TUSC3: variants seen among roughly 807,000 people sequenced by gnomAD.
TUSC3 encodes dolichyl-diphosphooligosaccharide--protein glycosyltransferase subunit TUSC3.
TUSC3 carries 45 observed loss-of-function variants against 44.8 expected under a neutral mutation model. That is an observed-to-expected ratio of 1.00 (90% CI 0.79 to 1.29). The LOEUF (loss-of-function observed/expected upper bound fraction) is 1.29. Ranked by LOEUF, TUSC3 falls within the 50% of genes most tolerant of loss-of-function variation. The pLI is 0.00. For synonymous variants in TUSC3, 212 were observed against 152.9 expected, an observed-to-expected ratio of 1.39 and a Z score of -2.85; for missense variants, 519 against 437.9, an observed-to-expected ratio of 1.19 and a Z score of -1.65.
chr8:15,712,952 A>G (rs1025443435), intron 6 of TUSC3, among the ~76,000 whole-genome samples: 2 of 152,028 alleles, frequency 1.3e-5, no homozygotes, highest in African/African-American at 4.8e-5. Flanking sequence ...TACACTCTCT[A>G]AGGTCACCAG....
intron 1 of TUSC3, among the ~76,000 whole-genome samples, chr8:15,621,353 G>A (rs952769819): frequency 1.3e-5 from 2 of 150,940 alleles, no homozygotes; most frequent in Admixed American, 6.6e-5. Flanking sequence ...ACCTCACTTC[G>A]CTTCTCAAAA....
At chr8:15,608,171 C>T (rs1256527287) in intron 1 of TUSC3, among the ~76,000 whole-genome samples, 1 of 152,104 alleles carries the variant, frequency 6.6e-6, no homozygotes, top group South Asian at 2.1e-4. Flanking sequence ...TGATTCACCT[C>T]TTGGCTGAAT....
At chr8:15,841,784 G>A in the TUSC3 span, among the ~76,000 whole-genome samples, 17 of 152,140 alleles carry the variant, frequency 1.1e-4, no homozygotes, top group African/African-American at 3.1e-4. Flanking sequence ...AAAGTGCTGC[G>A]ATTACAGCTG....
chr8:15,659,732 T>A, intron 4 of TUSC3, 85 bp downstream of exon 4: 1 of 1,552,848 alleles, frequency 6.4e-7, no homozygotes, highest in Admixed American at 1.7e-5. Context: ...AGTAATACTT[T>A]TTAATTTCTC....
the TUSC3 span, among the ~76,000 whole-genome samples, chr8:15,782,083 C>T: frequency 6.6e-6 from 1 of 152,090 alleles, no homozygotes; most frequent in African/African-American, 2.4e-5. Flanking sequence ...GACAGTGAGC[C>T]GAGATCGTGC....
the TUSC3 span, among the ~76,000 whole-genome samples, chr8:15,838,824 T>A: frequency 9.2e-5 from 14 of 152,268 alleles, no homozygotes; most frequent in Middle Eastern, 3.4e-3. Flanking sequence ...GGCTTAGGAT[T>A]GTCTTGGCAA....
chr8:15,457,505 T>C (rs1454649756), intron 1 of TUSC3, among the ~76,000 whole-genome samples: 4 of 151,310 alleles, frequency 2.6e-5, no homozygotes, highest in African/African-American at 7.3e-5. Context: ...TTGGAAATAG[T>C]ATGGATTCAC....
rs1318590897 is a variant in TUSC3, at chr8:15,635,585, T to C, written c.308+12336T>C. On this transcript the variant is annotated intron_variant, in intron 2 of 10. Transcript: ENST00000503731. The stretch of plus-strand genomic sequence containing the variant: ...GCTACAGTTAACTAGCACAATGTAC[T>C]CTAACACACTGTACTCTCACAGTGA... Among the ~76,000 whole-genome samples, 7 of 152,276 alleles carry C rather than the reference T, an allele frequency of 4.6e-5. No individual in the cohort carries two copies. The East Asian group carries it at 9.7e-4, about 21-fold the overall frequency.
intron 2 of TUSC3, among the ~76,000 whole-genome samples, chr8:15,502,049 C>A (rs1269823062): frequency 6.6e-6 from 1 of 152,124 alleles, no homozygotes; most frequent in African/African-American, 2.4e-5. Context: ...TTCCTTTATA[C>A]AACCATCACT....
chr8:15,715,739 C>G (rs937514392), intron 6 of TUSC3, among the ~76,000 whole-genome samples: 1 of 151,204 alleles, frequency 6.6e-6, no homozygotes, highest in African/African-American at 2.4e-5. Flanking sequence ...GCGGTGGTCT[C>G]TATTTTAGAA....
intron 1 of TUSC3, among the ~76,000 whole-genome samples, chr8:15,616,867 C>T (rs527980606): frequency 3.5e-4 from 54 of 152,204 alleles, no homozygotes; most frequent in Non-Finnish European, 5.9e-5. Flanking sequence ...ATGCCTGGCC[C>T]AGCCACAGGC....
intron 1 of TUSC3, among the ~76,000 whole-genome samples, chr8:15,432,221 G>C (rs1039446552): frequency 1.8e-4 from 27 of 152,048 alleles, no homozygotes; most frequent in African/African-American, 6.3e-4. Context: ...GAATTCACCA[G>C]GAAGCCATCT....
At chr8:15,602,252 A>T (rs1804319539) in intron 1 of TUSC3, among the ~76,000 whole-genome samples, 1 of 151,594 alleles carries the variant, frequency 6.6e-6, no homozygotes, top group Non-Finnish European at 1.5e-5. Context: ...TTTTTGAATA[A>T]ATCTATTTTC....
intron 2 of TUSC3, among the ~76,000 whole-genome samples, chr8:15,633,795 TA>T (rs1268464683): frequency 2.6e-5 from 4 of 152,330 alleles, no homozygotes; most frequent in African/African-American, 9.6e-5. Context: ...ACCTTGATTT[TA>T]GACTTCTAGC....
chr8:15,510,825 G>T (rs116537595), intron 2 of TUSC3, among the ~76,000 whole-genome samples: 4 of 151,812 alleles, frequency 2.6e-5, no homozygotes, highest in Non-Finnish European at 4.4e-5. Flanking sequence ...ACAAACATTC[G>T]AAACAAAATG....
chr8:15,511,125 C>A (rs1018900271), intron 2 of TUSC3, among the ~76,000 whole-genome samples: 1 of 152,114 alleles, frequency 6.6e-6, no homozygotes, highest in South Asian at 2.1e-4. Flanking sequence ...AAAACTAATA[C>A]CAAACTTAAT....
chr8:15,803,718 C>T, the TUSC3 span, among the ~76,000 whole-genome samples: 1 of 152,102 alleles, frequency 6.6e-6, no homozygotes, highest in African/African-American at 2.4e-5. Flanking sequence ...TCTTTTGCCT[C>T]ACCCCCTGGC....
intron 1 of TUSC3, among the ~76,000 whole-genome samples, chr8:15,555,925 T>G (rs1367933892): frequency 6.6e-6 from 1 of 151,760 alleles, no homozygotes; most frequent in East Asian, 2.0e-4. Flanking sequence ...ATATCAATAA[T>G]GTATGCTTTC....
chr8:15,426,102 G>A (rs1286665442), intron 1 of TUSC3, among the ~76,000 whole-genome samples: 1 of 152,142 alleles, frequency 6.6e-6, no homozygotes, highest in Admixed American at 6.6e-5. Context: ...AGGTGTAATT[G>A]ACAGAGAGCT....
Sources: allele counts gnomAD v4.1 joint callset (sites outside exome capture counted in the v4.1 genomes callset), GRCh38; gene constraint gnomAD v4.1.1; transcripts MANE v1.5; gene names NCBI Gene and HGNC (gene_info 2026-07-23, HGNC 2026-07-21).